SEC14L5: variants seen among roughly 807,000 people sequenced by gnomAD.
SEC14L5 encodes the protein SEC14 like lipid binding 5.
A neutral mutation model predicts 84.6 loss-of-function variants in SEC14L5; 96 were observed. The ratio of observed to expected loss-of-function variants is 1.13; its 90% CI spans 0.96 to 1.34. The LOEUF (loss-of-function observed/expected upper bound fraction) is 1.34. SEC14L5 is among the 40% of genes most tolerant of loss of function. The probability of loss-of-function intolerance (pLI) is 0.00; values close to 1 mark genes in which losing one functional copy is unlikely to be tolerated. For synonymous variants in SEC14L5, 546 were observed against 383.4 expected (o/e 1.42, Z -4.95); for missense variants, 1,224 against 942.5 (o/e 1.30, Z -3.91).
At chr16:4,989,721 T>C (rs1392892217) in intron 4 of SEC14L5, among the ~76,000 whole-genome samples, 1 of 152,194 alleles carries the variant, frequency 6.6e-6, no homozygotes, top group African/African-American at 2.4e-5. Context: ...GTTCAGATCT[T>C]CTGGGGAGGG....
chr16:4,992,394 G>T (rs1324704126), intron 6 of SEC14L5, among the ~76,000 whole-genome samples: 1 of 152,190 alleles, frequency 6.6e-6, no homozygotes, highest in Non-Finnish European at 1.5e-5. Flanking sequence ...GGGATTACAG[G>T]CATCTGCCAC....
At chr16:4,982,312 A>T (rs549517566) in intron 2 of SEC14L5, among the ~76,000 whole-genome samples, 1 of 152,102 alleles carries the variant, frequency 6.6e-6, no homozygotes, top group Non-Finnish European at 1.5e-5. Flanking sequence ...CTTGATCCCA[A>T]TTCCGGGGCA....
In SEC14L5 at chr16:5,008,647, A is replaced by G; in HGVS notation, c.1799A>G (p.Gln600Arg). The G allele has an allele frequency of 6.2e-7, 1 of 1,607,856 alleles. No homozygotes were observed. The highest frequency in any genetic ancestry group is 8.5e-7 in the Non-Finnish European group (1 of 1,178,246). The change falls in exon 14 of 16, where the codon CAG becomes CGG. Residue 600 changes from glutamine to arginine, a missense_variant and splice_region_variant. By Grantham distance (43) the Gln-to-Arg change is conservative. Transcript: ENST00000251170. ...PLVCREGESI[Q>R]GSHVTRWPGV... ...GTCTGCCGGGAGGGGGAGAGCATCCAGGTTTGCATTTTCTGGACCACTCAT... is the reference window on the plus strand; with the variant it reads ...GTCTGCCGGGAGGGGGAGAGCATCCGGGTTTGCATTTTCTGGACCACTCAT...
intron 14 of SEC14L5, among the ~76,000 whole-genome samples, chr16:5,009,446 T>C (rs1955774847): frequency 6.6e-6 from 1 of 152,048 alleles, no homozygotes; most frequent in East Asian, 1.9e-4. Flanking sequence ...ATCTCAGCCT[T>C]CTGAGTAGCT....
At chr16:4,985,156 A>T (rs1408474066) in intron 2 of SEC14L5, among the ~76,000 whole-genome samples, 1 of 152,128 alleles carries the variant, frequency 6.6e-6, no homozygotes, top group African/African-American at 2.4e-5. Context: ...ATAAAGATTT[A>T]TTCATATGTT....
intron 6 of SEC14L5, among the ~76,000 whole-genome samples, chr16:4,994,948 G>A (rs1031168615): frequency 2.6e-5 from 4 of 152,040 alleles, no homozygotes; most frequent in East Asian, 1.9e-4. Flanking sequence ...TGGGAGCTCC[G>A]GCCTCTCTCG....
intron 12 of SEC14L5, 80 bp downstream of exon 12, chr16:5,006,128 G>A: frequency 6.8e-7 from 1 of 1,480,206 alleles, no homozygotes; most frequent in Non-Finnish European, 9.3e-7. Context: ...TCCCGGAGTG[G>A]GGCTGGGAGG....
intron 2 of SEC14L5, among the ~76,000 whole-genome samples, chr16:4,974,615 A>C (rs1596618392): frequency 6.7e-6 from 1 of 149,706 alleles, no homozygotes; most frequent in East Asian, 1.9e-4. Context: ...TTTTTTTTTT[A>C]ACATGGATAA....
chr16:5,011,135 A>G lies in SEC14L5; in HGVS notation c.1841A>G (p.Gln614Arg). ...VTRWPGVYLL[Q>R]WQMHSPPSSV... ...CGGTGGCCCGGCGTCTACCTGCTCC[A>G]GTGGCAAATGCACAGCCCCCCCAGC... The change falls in exon 15 of 16, where the codon CAG becomes CGG. Residue 614 changes from glutamine to arginine, a missense_variant. Physicochemically the swap from Gln to Arg is conservative, Grantham distance 43. Coordinates refer to ENST00000251170, the MANE Select transcript of SEC14L5 (RefSeq NM_014692.2). The G allele has an allele frequency of 6.2e-7, 1 of 1,611,500 alleles. No homozygotes were observed. Among genetic ancestry groups the G allele is most frequent in the Non-Finnish European group, 8.5e-7 (1 of 1,178,984 alleles).
At chr16:5,006,701 G>T (rs1174502882) in intron 12 of SEC14L5, among the ~76,000 whole-genome samples, 1 of 152,192 alleles carries the variant, frequency 6.6e-6, no homozygotes, top group Non-Finnish European at 1.5e-5. Context: ...ATTTTTCCAG[G>T]CTTGCCTGTT....
In SEC14L5 at chr16:5,008,420, G is replaced by A; in HGVS notation, c.1573-1G>A. On this transcript the variant is annotated splice_acceptor_variant, in intron 13 of 15. Transcript: ENST00000251170. LOFTEE classifies it high-confidence loss of function. Reference sequence around the variant, plus strand: ...CTCAGACCTCGCCTGTCTCCACACAGGTGGCCGTGGAGATCCTGGAAGGAG... The same window carrying A: ...CTCAGACCTCGCCTGTCTCCACACAAGTGGCCGTGGAGATCCTGGAAGGAG... The A allele has an allele frequency of 6.2e-7, 1 of 1,606,918 alleles. No individual in the cohort carries two copies. The highest frequency in any genetic ancestry group is 8.5e-7 in the Non-Finnish European group (1 of 1,175,114).
chr16:4,986,553 A>C (rs1295294906), intron 2 of SEC14L5, among the ~76,000 whole-genome samples: 1 of 152,216 alleles, frequency 6.6e-6, no homozygotes, highest in Non-Finnish European at 1.5e-5. Flanking sequence ...TTTTGGGATA[A>C]GCTTGTCAAT....
chr16:5,000,774 TGCCTGGGGCCGG>T (rs1568140564), intron 9 of SEC14L5, 31 bp downstream of exon 9: 1 of 1,555,568 alleles, frequency 6.4e-7, no homozygotes, highest in East Asian at 2.4e-5. Flanking sequence ...CTGGACGCCG[TGCCTGGGGCCGG>T]GCCTGGGAAG....
Position 4,990,808 on chromosome 16 carries a change from T to C in SEC14L5, c.387T>C (p.Ser129=). The change falls in exon 5 of 16, where the codon TCT becomes TCC. Residue 129 remains serine, a synonymous_variant. Coordinates refer to ENST00000251170, the MANE Select transcript of SEC14L5 (RefSeq NM_014692.2). The stretch of plus-strand genomic sequence containing the variant: ...AAGACTGGACTTGCTTCGAGCAGTC[T>C]GCCTCACTGGACATTCGGTCTTTCT... ...ENEDWTCFEQ[S]ASLDIRSFFG... 6.2e-7 allele frequency: 1 copy of C among 1,612,294 alleles called. No homozygotes were observed. The highest frequency in any genetic ancestry group is 8.5e-7 in the Non-Finnish European group (1 of 1,179,058).
intron 2 of SEC14L5, among the ~76,000 whole-genome samples, chr16:4,980,424 G>A (rs559754478): frequency 1.2e-4 from 19 of 152,216 alleles, no homozygotes; most frequent in South Asian, 2.1e-4. Flanking sequence ...GCTCCAGACC[G>A]GGCCTTTCTA....
At chr16:4,962,374 G>A (rs1955134189) in intron 2 of SEC14L5, among the ~76,000 whole-genome samples, 1 of 151,878 alleles carries the variant, frequency 6.6e-6, no homozygotes, top group South Asian at 2.1e-4. Context: ...TGGGTAGAGT[G>A]AAAAAAAGGC....
At chr16:4,974,731 C>T (rs559091653) in intron 2 of SEC14L5, among the ~76,000 whole-genome samples, 2 of 152,166 alleles carry the variant, frequency 1.3e-5, no homozygotes, top group East Asian at 1.9e-4. Context: ...CAGTCTTCCC[C>T]TCCCAAGTCC....
At chr16:4,978,943 C>T (rs1027076043) in intron 2 of SEC14L5, among the ~76,000 whole-genome samples, 1 of 152,122 alleles carries the variant, frequency 6.6e-6, no homozygotes, top group African/African-American at 2.4e-5. Context: ...ACTATTTTGC[C>T]CAGGCTGGTC....
At position 5,003,494 on chromosome 16, in the gene SEC14L5, T is replaced by G; in HGVS notation, c.1223T>G (p.Val408Gly). 1 of 1,613,028 alleles carries G rather than the reference T, an allele frequency of 6.2e-7. No homozygotes were observed. Among genetic ancestry groups the G allele is most frequent in the Non-Finnish European group, 8.5e-7 (1 of 1,179,598 alleles). Residue 408 changes from valine (V) to glycine (G), a missense_variant, in exon 11 of 16, where the codon GTT (valine) becomes GGT (glycine). Transcript: ENST00000251170. ...GCCCTGCTGCGGATGATTGAGGTGG[T>G]TGAGGACAATTACCCAGAGACCCTG... ...VKALLRMIEV[V>G]EDNYPETLGR...
Sources: gnomAD v4.1 joint callset for allele counts (sites outside exome capture counted in the v4.1 genomes callset) on GRCh38, gnomAD v4.1.1 for gene constraint, MANE v1.5 for transcripts, NCBI Gene and HGNC (gene_info 2026-07-23, HGNC 2026-07-21) for gene names.